The following LY96 variants were observed in gnomAD, a reference collection of about 807,000 sequenced individuals.
LY96 encodes myeloid differentiation protein-2.
LY96 carries 18 observed loss-of-function variants against 18.9 expected under a neutral mutation model. That is an observed-to-expected ratio of 0.95 (90% CI 0.66 to 1.41). The LOEUF is 1.41. Among genes scored for constraint, LY96 ranks in the 40% most tolerant of loss-of-function variants. The pLI is 0.00. For synonymous variants in LY96, 66 were observed against 62.6 expected (o/e 1.06, Z -0.26); for missense variants, 175 against 182.4 (o/e 0.96, Z 0.23).
intron 3 of LY96, among the ~76,000 whole-genome samples, chr8:74,012,776 T>C (rs17226734): frequency 0.043 from 6,485 of 152,162 alleles, 167 homozygotes; most frequent in African/African-American, 0.062. Context: ...GTATGAGCCA[T>C]TGCCATACAA....
chr8:74,046,285 AT>A, the LY96 span, among the ~76,000 whole-genome samples: 1 of 152,188 alleles, frequency 6.6e-6, no homozygotes, highest in Non-Finnish European at 1.5e-5. Flanking sequence ...TCTCAAAAAA[AT>A]AAGACACCCA....
the LY96 span, among the ~76,000 whole-genome samples, chr8:74,083,145 C>T: frequency 6.6e-6 from 1 of 152,108 alleles, no homozygotes; most frequent in Non-Finnish European, 1.5e-5. Flanking sequence ...TCTATAAATA[C>T]ACATATCATA....
At chr8:74,054,830 A>AT in the LY96 span, among the ~76,000 whole-genome samples, 1 of 150,724 alleles carries the variant, frequency 6.6e-6, no homozygotes, top group South Asian at 2.1e-4. Context: ...TGCCCAGTTA[A>AT]TTTTTTTAAA....
At chr8:74,098,639 G>A in the LY96 span, among the ~76,000 whole-genome samples, 2 of 152,076 alleles carry the variant, frequency 1.3e-5, no homozygotes, top group African/African-American at 4.8e-5. Context: ...CAAAGTGCTG[G>A]GATTACAAGT....
chr8:74,037,574 G>T, the LY96 span, among the ~76,000 whole-genome samples: 1 of 152,172 alleles, frequency 6.6e-6, no homozygotes, highest in Admixed American at 6.5e-5. Flanking sequence ...TGAAGCTTCA[G>T]TGAAGCTAAG....
At chr8:74,019,083 C>A (rs942926241) in intron 3 of LY96, among the ~76,000 whole-genome samples, 1 of 152,012 alleles carries the variant, frequency 6.6e-6, no homozygotes, top group Non-Finnish European at 1.5e-5. Flanking sequence ...CAGAGCAGAA[C>A]TGAACGAGAT....
At chr8:74,027,990 A>C (rs1448595136) in intron 4 of LY96, among the ~76,000 whole-genome samples, 1 of 152,212 alleles carries the variant, frequency 6.6e-6, no homozygotes. Context: ...ACCCACAATA[A>C]AACTCGATTG....
the LY96 span, among the ~76,000 whole-genome samples, chr8:74,051,079 G>A: frequency 6.6e-6 from 1 of 152,170 alleles, no homozygotes; most frequent in Non-Finnish European, 1.5e-5. Context: ...GAGGAAAGAA[G>A]ATGGGGTTGT....
chr8:73,993,299 C>T (rs1020273330), intron 1 of LY96, among the ~76,000 whole-genome samples: 4 of 151,994 alleles, frequency 2.6e-5, no homozygotes, highest in Admixed American at 2.0e-4. Context: ...ATTTTTGAGA[C>T]AGGGTTTTGC....
rs1554600467 is a variant in LY96 at position 73,992,875 on chromosome 8, T to TGTGTGTGA, written c.112+1322_112+1323insTGTGTGAG. Among the ~76,000 whole-genome samples, 12 of 150,688 alleles carry TGTGTGTGA rather than the reference T, an allele frequency of 8.0e-5. No homozygotes were observed. In the South Asian group the frequency reaches 1.3e-3, roughly 16 times the overall value. Reference sequence around the variant, plus strand: ...GTGTGTGTGTGTGTGTGTGTGTGTGTGACAGAGTTTTGCTCTGTTGCCAGG... The same window carrying TGTGTGTGA: ...GTGTGTGTGTGTGTGTGTGTGTGTGTGTGTGTGAGACAGAGTTTTGCTCTGTTGCCAGG... On this transcript the variant is annotated intron_variant, in intron 1 of 4. Coordinates refer to ENST00000284818, the MANE Select transcript of LY96 (RefSeq NM_015364.5).
the LY96 span, among the ~76,000 whole-genome samples, chr8:74,099,095 T>C: frequency 6.6e-6 from 1 of 152,238 alleles, no homozygotes; most frequent in Non-Finnish European, 1.5e-5. Flanking sequence ...TAATCTTTTA[T>C]GGACTGAATT....
chr8:74,064,547 C>A, the LY96 span, among the ~76,000 whole-genome samples: 1 of 152,152 alleles, frequency 6.6e-6, no homozygotes, highest in African/African-American at 2.4e-5. Flanking sequence ...GCGCATGGCA[C>A]CCCCTCCCTA....
the LY96 span, among the ~76,000 whole-genome samples, chr8:74,098,732 T>G: frequency 6.6e-6 from 1 of 152,224 alleles, no homozygotes; most frequent in African/African-American, 2.4e-5. Context: ...CTGTTGCTCT[T>G]GACAGCAGCT....
At chr8:74,046,903 C>CTTTTTTT in the LY96 span, among the ~76,000 whole-genome samples, 2 of 135,172 alleles carry the variant, frequency 1.5e-5, no homozygotes, top group Non-Finnish European at 1.6e-5. Flanking sequence ...CATTCTCATT[C>CTTTTTTT]TTTTTTTTTT....
intron 3 of LY96, among the ~76,000 whole-genome samples, chr8:74,011,827 C>T (rs534818061): frequency 3.4e-5 from 5 of 148,874 alleles, no homozygotes; most frequent in African/African-American, 1.2e-4. Context: ...CCATTGCACT[C>T]CAGCCCAGGT....
At chr8:74,034,342 A>G in the LY96 span, among the ~76,000 whole-genome samples, 1 of 152,126 alleles carries the variant, frequency 6.6e-6, no homozygotes, top group Non-Finnish European at 1.5e-5. Context: ...ACTGCACTCC[A>G]GCCTGGGCAA....
At chr8:74,000,085 C>G (rs1025722745) in intron 1 of LY96, among the ~76,000 whole-genome samples, 3 of 152,154 alleles carry the variant, frequency 2.0e-5, no homozygotes, top group African/African-American at 7.2e-5. Flanking sequence ...ATGACCTTGT[C>G]CTCAAAGTCC....
chr8:74,040,387 G>A, the LY96 span, among the ~76,000 whole-genome samples: 1 of 152,128 alleles, frequency 6.6e-6, no homozygotes. Flanking sequence ...TGCTTGTGGG[G>A]TATTACTCAA....
chr8:74,080,785 C>T, the LY96 span, among the ~76,000 whole-genome samples: 1 of 152,306 alleles, frequency 6.6e-6, no homozygotes, highest in South Asian at 2.1e-4. Flanking sequence ...GTTTCACCTT[C>T]TCCAGGGACC....
Sources: allele counts gnomAD v4.1 joint callset (sites outside exome capture counted in the v4.1 genomes callset), GRCh38; gene constraint gnomAD v4.1.1; transcripts MANE v1.5; gene names NCBI Gene and HGNC (gene_info 2026-07-23, HGNC 2026-07-21).